Variants in ADAM32 observed in about 807,000 individuals in gnomAD.
ADAM32 encodes disintegrin and metalloproteinase domain-containing protein 32.
A neutral mutation model predicts 114.9 loss-of-function variants in ADAM32; 89 were observed. That is an observed-to-expected ratio of 0.77 (90% confidence interval 0.65 to 0.92). The LOEUF (loss-of-function observed/expected upper bound fraction) is 0.92. ADAM32 is among the 40% of genes least tolerant of loss of function. The pLI, the probability that ADAM32 is intolerant of heterozygous loss-of-function variation, is 0.00. For missense variants in ADAM32, 870 were observed against 932.8 expected (o/e 0.93, Z 0.88); for synonymous variants, 285 against 307.5 (o/e 0.93, Z 0.77).
intron 12 of ADAM32, among the ~76,000 whole-genome samples, chr8:39,214,255 A>G (rs1808417949): frequency 6.6e-6 from 1 of 151,882 alleles, no homozygotes; most frequent in South Asian, 2.1e-4. Flanking sequence ...TTTCTGAGGA[A>G]CCTCCAAACT....
At chr8:39,185,379 A>C (rs1181072809) in intron 10 of ADAM32, among the ~76,000 whole-genome samples, 3 of 152,054 alleles carry the variant, frequency 2.0e-5, no homozygotes, top group Non-Finnish European at 4.4e-5. Flanking sequence ...AAACAAAAAA[A>C]CAGCAGAGAT....
chr8:39,189,999 T>C (rs1806502952), intron 11 of ADAM32, among the ~76,000 whole-genome samples: 1 of 152,212 alleles, frequency 6.6e-6, no homozygotes, highest in Non-Finnish European at 1.5e-5. Flanking sequence ...TTTGTATTTT[T>C]AGTAGAGACG....
intron 9 of ADAM32, chr8:39,166,311 G>C (rs1371222622): frequency 6.6e-6 from 1 of 152,118 alleles, no homozygotes; most frequent in Non-Finnish European, 1.5e-5. Context: ...TTCCATTCTT[G>C]AGTTACTTCA....
At chr8:39,194,649 G>T (rs1228196897) in intron 11 of ADAM32, among the ~76,000 whole-genome samples, 1 of 152,098 alleles carries the variant, frequency 6.6e-6, no homozygotes. Flanking sequence ...TATCCTCCCT[G>T]GGCAACTGAG....
At chr8:39,210,755 T>A (rs1012803378) in intron 11 of ADAM32, among the ~76,000 whole-genome samples, 1 of 152,180 alleles carries the variant, frequency 6.6e-6, no homozygotes, top group African/African-American at 2.4e-5. Flanking sequence ...TTTTCTGAGA[T>A]CTTCAGGACT....
chr8:39,184,749 C>A (rs905308601), intron 10 of ADAM32, among the ~76,000 whole-genome samples: 1 of 152,216 alleles, frequency 6.6e-6, no homozygotes, highest in Non-Finnish European at 1.5e-5. Context: ...TGCATCACAG[C>A]AACTCATGTT....
intron 11 of ADAM32, among the ~76,000 whole-genome samples, chr8:39,197,282 T>C (rs1176491796): frequency 6.6e-6 from 1 of 152,018 alleles, no homozygotes; most frequent in Non-Finnish European, 1.5e-5. Flanking sequence ...TTTCCAAAAA[T>C]TAATTTTTGC....
intron 1 of ADAM32, 108 bp from the exon 2 acceptor site, chr8:39,117,978 T>C (rs1840445421): frequency 1.5e-6 from 1 of 647,242 alleles, no homozygotes; most frequent in Non-Finnish European, 2.5e-6. Context: ...AAGTACACAG[T>C]GATGAGCCAC....
chr8:39,233,483 C>G (rs1340734805), intron 15 of ADAM32, among the ~76,000 whole-genome samples: 1 of 152,170 alleles, frequency 6.6e-6, no homozygotes, highest in Non-Finnish European at 1.5e-5. Flanking sequence ...CCAGAGGTCA[C>G]TTTCATCGCC....
intron 11 of ADAM32, among the ~76,000 whole-genome samples, chr8:39,200,779 C>A (rs1807343948): frequency 6.6e-6 from 1 of 152,126 alleles, no homozygotes; most frequent in Non-Finnish European, 1.5e-5. Flanking sequence ...AGTCTTTAAT[C>A]CATCTTGAAT....
At chr8:39,269,862 A>T (rs958454526) in intron 19 of ADAM32, among the ~76,000 whole-genome samples, 1 of 152,234 alleles carries the variant, frequency 6.6e-6, no homozygotes, top group Non-Finnish European at 1.5e-5. Flanking sequence ...TAAAGGAAAG[A>T]GGTTTAATTG....
At chr8:39,157,508 TC>T in intron 6 of ADAM32, 1 of 419,110 alleles carries the variant, frequency 2.4e-6, no homozygotes, top group South Asian at 1.9e-5. Flanking sequence ...TTTATTGAGA[TC>T]CCATCAGCTG....
At chr8:39,247,841 C>T (rs931575454) in intron 17 of ADAM32, among the ~76,000 whole-genome samples, 1 of 151,100 alleles carries the variant, frequency 6.6e-6, no homozygotes, top group Admixed American at 6.6e-5. Flanking sequence ...ACATTTAGGC[C>T]TATGACCCAT....
At chr8:39,206,882 A>G (rs1807874651) in intron 11 of ADAM32, among the ~76,000 whole-genome samples, 1 of 151,832 alleles carries the variant, frequency 6.6e-6, no homozygotes, top group Non-Finnish European at 1.5e-5. Flanking sequence ...GGCTCTCAAA[A>G]TAGTATAGTG....
intron 19 of ADAM32, among the ~76,000 whole-genome samples, chr8:39,266,364 T>A (rs1812354027): frequency 6.6e-6 from 1 of 152,214 alleles, no homozygotes; most frequent in Non-Finnish European, 1.5e-5. Flanking sequence ...ATTTAAAAAA[T>A]TATTTTTTCT....
chr8:39,263,108 T>G (rs1302847465), intron 19 of ADAM32, among the ~76,000 whole-genome samples: 1 of 152,220 alleles, frequency 6.6e-6, no homozygotes, highest in East Asian at 1.9e-4. Flanking sequence ...TAGGTTCCAT[T>G]TTATTCTGGA....
chr8:39,259,822 C>T (rs1811906509), intron 19 of ADAM32, among the ~76,000 whole-genome samples: 1 of 152,124 alleles, frequency 6.6e-6, no homozygotes. Flanking sequence ...TACACTTTGC[C>T]TAGCTTTTTC....
chr8:39,139,041 ATTTG>A (rs1417823792), intron 3 of ADAM32, among the ~76,000 whole-genome samples: 1 of 151,980 alleles, frequency 6.6e-6, no homozygotes, highest in Non-Finnish European at 1.5e-5. Flanking sequence ...TTTCTTTTAA[ATTTG>A]TTTAAGTTAT....
chr8:39,228,228 A>T (rs536595765), intron 14 of ADAM32, among the ~76,000 whole-genome samples: 2 of 152,332 alleles, frequency 1.3e-5, no homozygotes, highest in Admixed American at 1.3e-4. Flanking sequence ...CTCAAATGAG[A>T]AGGAACCAGA....
Sources: allele counts gnomAD v4.1 joint callset (sites outside exome capture counted in the v4.1 genomes callset), GRCh38; gene constraint gnomAD v4.1.1; transcripts MANE v1.5; gene names NCBI Gene and HGNC (gene_info 2026-07-23, HGNC 2026-07-21).